OTOF: variants seen among roughly 807,000 people sequenced by gnomAD.
OTOF encodes the protein otoferlin, also known as fer-1-like family member 2.
A neutral mutation model predicts 236.8 loss-of-function variants in OTOF; 218 were observed. That is an observed-to-expected ratio of 0.92 (90% CI 0.82 to 1.03). The LOEUF is 1.03. Among genes scored for constraint, OTOF ranks in the 50% least tolerant of loss-of-function variants. OTOF has a pLI of 0.00. For missense variants in OTOF, 2,590 were observed against 2,694.4 expected, an observed-to-expected ratio of 0.96 and a Z score of 0.86; for synonymous variants, 1,041 against 1,072.5, an observed-to-expected ratio of 0.97 and a Z score of 0.57.
rs544999793 is a variant in OTOF at position 26,514,479 on chromosome 2, C to G, written c.509+1939G>C. 2.4e-3 allele frequency among the ~76,000 whole-genome samples: 363 copies of G among 152,364 alleles called. 1 individual carries two copies. Among genetic ancestry groups the G allele is most frequent in the African/African-American group, 8.3e-3 (345 of 41,592 alleles). The stretch of plus-strand genomic sequence containing the variant: ...AGCTCTCCAGAGCCCCCATCAGCAC[C>G]CTGGCCCACTCTCTTAGGACTGAGT... On this transcript the variant is annotated intron_variant, in intron 5 of 46. Transcript: ENST00000272371.
chr2:26,477,830 G>A lies in OTOF; in HGVS notation c.2215-81C>T. ...CCAAATGCCTCCTCCCTGTTGATCAGGGGAGTGAGGGACCTCATGATCTGG... is the reference window on the plus strand; with the variant it reads ...CCAAATGCCTCCTCCCTGTTGATCAAGGGAGTGAGGGACCTCATGATCTGG... On this transcript the variant is annotated intron_variant, in intron 18 of 46. Transcript: ENST00000272371. The surrounding 1 kb of genome is among the most constrained non-coding windows in gnomAD (Gnocchi z 4.7). 6.3e-7 allele frequency: 1 copy of A among 1,581,222 alleles called. No individual in the cohort carries two copies. Among genetic ancestry groups the A allele is most frequent in the Non-Finnish European group, 8.6e-7 (1 of 1,163,616 alleles).
chr2:26,510,376 C>T (rs1177525163), intron 5 of OTOF, among the ~76,000 whole-genome samples: 1 of 152,158 alleles, frequency 6.6e-6, no homozygotes, highest in Non-Finnish European at 1.5e-5. Flanking sequence ...TGTCCCCTCC[C>T]TCCCAGGGAA....
In OTOF at chr2:26,477,016, TGAA is replaced by T; in HGVS notation, c.2548_2550del (p.Phe850del). 1.9e-6 allele frequency: 3 copies of T among 1,606,708 alleles called. No homozygotes were observed. In the African/African-American group the frequency reaches 4.0e-5, roughly 22 times the overall value. ...CGCTTGTTGTTGCTCATCATCCAGA[TGAA>T]GATGTCGGGAATGCTGTGCTGGGGC... On this transcript the variant is annotated inframe_deletion, in exon 22 of 47. Transcript: ENST00000272371. The surrounding 1 kb of genome is among the most constrained non-coding windows in gnomAD (Gnocchi z 4.7).
At chr2:26,533,131 G>T (rs929912993) in intron 2 of OTOF, among the ~76,000 whole-genome samples, 2 of 152,138 alleles carry the variant, frequency 1.3e-5, no homozygotes, top group Admixed American at 6.5e-5. Flanking sequence ...ATAGGAGTGT[G>T]AACCCTACTG....
In OTOF at chr2:26,472,295, C is replaced by T. The variant is rs761600711; in HGVS notation, c.3864+224G>A. Reference sequence around the variant, plus strand: ...TGCACATATGCACACCACACACATGCGCACACACATGCACATTTACATACC... The same window carrying T: ...TGCACATATGCACACCACACACATGTGCACACACATGCACATTTACATACC... On this transcript the variant is annotated intron_variant, in intron 30 of 46. Coordinates refer to ENST00000272371, the MANE Select transcript of OTOF (RefSeq NM_194248.3). 1.3e-4 allele frequency: 79 copies of T among 599,136 alleles called. No homozygotes were observed. The Middle Eastern group carries it at 2.8e-3, about 21-fold the overall frequency. The allele number at this position is 599,136 out of a possible 1,614,324, so 37.1% of individuals were successfully genotyped here.
chr2:26,460,077 A>C lies in OTOF; in HGVS notation c.5942T>G (p.Leu1981Arg), dbSNP rs768408502. Residue 1981 changes from leucine to arginine, a missense_variant, in exon 46 of 47, where the codon CTG becomes CGG. This residue lies in a region of OTOF where 1,211 missense variants were observed against 1,352.8 expected (regional missense o/e 0.90). Transcript: ENST00000272371. This position sits in a 1 kb window ranked among gnomAD's most constrained non-coding sequence, Gnocchi z 5.3. ...GTAGCCAGGCACAGAGTAGAGGAAC[A>C]GGGCGAGGAGGAGGAGCAGCAGCAG... ...LLLLLLLLLA[L>R]FLYSVPGYLV... 13 of 1,575,162 alleles carry C rather than the reference A, an allele frequency of 8.3e-6. No homozygotes were observed. The highest frequency in any genetic ancestry group is 1.1e-5 in the Non-Finnish European group (13 of 1,160,250).
Position 26,482,571 on chromosome 2 carries a change from T to C in OTOF, c.1414A>G (p.Ser472Gly). The change falls in exon 14 of 47, where the codon AGC (serine) becomes GGC (glycine). Residue 472 changes from serine (S) to glycine (G), a missense_variant. Physicochemically the swap from Ser to Gly is moderately conservative, Grantham distance 56 (BLOSUM62 0). Coordinates refer to ENST00000272371, the MANE Select transcript of OTOF (RefSeq NM_194248.3). ...GQKGKTSVQKSSYEPLWNEQV... is the reference protein window; with the variant it reads ...GQKGKTSVQKGSYEPLWNEQV... ...TCATTCCACAGGGGCTCATAGCTGC[T>C]CTTCTGCACTGAAGTCTTGCCCTGG... The C allele has an allele frequency of 6.2e-7, 1 of 1,613,236 alleles. No homozygotes were observed. The highest frequency in any genetic ancestry group is 1.3e-5 in the African/African-American group (1 of 75,052).
intron 8 of OTOF, among the ~76,000 whole-genome samples, chr2:26,501,501 A>G (rs1447524697): frequency 2.0e-5 from 3 of 152,336 alleles, no homozygotes; most frequent in South Asian, 2.1e-4. Context: ...CCAATACTGA[A>G]CATGAAATAC....
chr2:26,497,660 G>A (rs1343149564), intron 8 of OTOF, among the ~76,000 whole-genome samples: 1 of 151,954 alleles, frequency 6.6e-6, no homozygotes, highest in Non-Finnish European at 1.5e-5. Context: ...AACATTGCCA[G>A]GAAAGGGGAT....
intron 46 of OTOF, 95 bp downstream of exon 46, chr2:26,459,912 GC>G: frequency 8.6e-7 from 1 of 1,161,594 alleles, no homozygotes; most frequent in East Asian, 2.6e-5. Flanking sequence ...GCACATGTAT[GC>G]ATATTTGTGT....
At chr2:26,505,920 C>T (rs188919111) in intron 5 of OTOF, among the ~76,000 whole-genome samples, 1 of 152,324 alleles carries the variant, frequency 6.6e-6, no homozygotes, top group East Asian at 1.9e-4. Flanking sequence ...TCAAAAAGAA[C>T]CTGAGCACCC....
intron 13 of OTOF, among the ~76,000 whole-genome samples, chr2:26,482,809 A>G (rs1214099686): frequency 0.012 from 274 of 23,568 alleles, no homozygotes; most frequent in Middle Eastern, 0.028. Context: ...ATGTGTGTGT[A>G]TGAGTGGGTG....
At chr2:26,483,189 G>A (rs763991062) in intron 13 of OTOF, among the ~76,000 whole-genome samples, 11 of 151,992 alleles carry the variant, frequency 7.2e-5, no homozygotes, top group East Asian at 5.8e-4. Context: ...GTATGCGTGC[G>A]TGTATGAGTG....
Position 26,475,982 on chromosome 2 carries a change from CG to C in OTOF, c.2922del (p.Ala975ProfsTer25). The part of the protein sequence containing the change: ...AHMYQARSLF[A>X]ADSSGLSDPF... The stretch of plus-strand genomic sequence containing the variant: ...GGGTCTGAGAGTCCGCTGCTGTCGG[CG>C]GCAAAGAGGCTGCGGGCCTGGTACA... On this transcript the variant is annotated frameshift_variant, in exon 24 of 47. Coordinates refer to ENST00000272371, the MANE Select transcript of OTOF (RefSeq NM_194248.3). LOFTEE classifies it high-confidence loss of function. 4 of 1,612,548 alleles carry C rather than the reference CG, an allele frequency of 2.5e-6. No individual in the cohort carries two copies. The highest frequency in any genetic ancestry group is 3.4e-6 in the Non-Finnish European group (4 of 1,179,864).
At chr2:26,525,590 G>C (rs1666781372) in intron 3 of OTOF, among the ~76,000 whole-genome samples, 2 of 152,174 alleles carry the variant, frequency 1.3e-5, no homozygotes, top group South Asian at 4.1e-4. Context: ...CCAGTGACTA[G>C]CATAGTGTCT....
chr2:26,502,561 G>T, intron 6 of OTOF, 135 bp from the exon 7 acceptor site: 1 of 888,950 alleles, frequency 1.1e-6, no homozygotes, highest in Non-Finnish European at 1.8e-6. Flanking sequence ...AGAATATTAT[G>T]GCCTGAATAA....
chr2:26,477,764 T>C lies in OTOF; in HGVS notation c.2215-15A>G. The C allele has an allele frequency of 6.2e-7, 1 of 1,612,428 alleles. No homozygotes were observed. The highest frequency in any genetic ancestry group is 8.5e-7 in the Non-Finnish European group (1 of 1,179,842). On this transcript the variant is annotated splice_polypyrimidine_tract_variant and intron_variant, in intron 18 of 46. Coordinates refer to ENST00000272371, the MANE Select transcript of OTOF (RefSeq NM_194248.3). The surrounding 1 kb of genome is among the most constrained non-coding windows in gnomAD (Gnocchi z 4.7). ...AGGCCTTCTTCCTGTGAATCAGGAG[T>C]GTGGGTGATGCTGGGCCACAGCCCC...
At position 26,484,595 on chromosome 2, in the gene OTOF, G is replaced by A; in HGVS notation, c.1084C>T (p.Pro362Ser). The stretch of plus-strand genomic sequence containing the variant: ...TTCAGCCCCGAGGAGATGTCATCGG[G>A]GTCAGACAGGATGGCCCACTTGTGA... ...FHHKWAILSD[P>S]DDISSGLKGY... Residue 362 changes from proline (P) to serine (S), a missense_variant, in exon 12 of 47, where the codon CCC (proline) becomes TCC (serine). Physicochemically the swap from Pro to Ser is moderately conservative, Grantham distance 74 (BLOSUM62 -1). Coordinates refer to ENST00000272371, the MANE Select transcript of OTOF (RefSeq NM_194248.3). 1 of 1,613,922 alleles carries A rather than the reference G, an allele frequency of 6.2e-7. No homozygotes were observed. The highest frequency in any genetic ancestry group is 1.3e-5 in the African/African-American group (1 of 75,044).
At chr2:26,537,460 G>A (rs536385392) in intron 2 of OTOF, among the ~76,000 whole-genome samples, 1 of 152,356 alleles carries the variant, frequency 6.6e-6, no homozygotes, top group East Asian at 1.9e-4. Flanking sequence ...GGCCGTCGAG[G>A]TGGGCGAGGC....
Sources: allele counts gnomAD v4.1 joint callset (sites outside exome capture counted in the v4.1 genomes callset), GRCh38; gene constraint gnomAD v4.1.1; regional missense constraint gnomAD v4.1.1; non-coding constraint Gnocchi (gnomAD v3.1); transcripts MANE v1.5; gene names NCBI Gene and HGNC (gene_info 2026-07-23, HGNC 2026-07-21).